SMARCC2: variants seen among roughly 807,000 people sequenced by gnomAD.
SMARCC2 encodes SWI/SNF related BAF chromatin remodeling complex subunit C2.
In SMARCC2, 15 loss-of-function variants were observed where a neutral mutation model predicts 151.3. The ratio of observed to expected loss-of-function variants is 0.10; its 90% CI spans 0.07 to 0.15. The LOEUF (loss-of-function observed/expected upper bound fraction) is 0.15, where lower values mean the gene tolerates loss of function less well. Among genes scored for constraint, SMARCC2 ranks in the 10% least tolerant of loss-of-function variants. The pLI is 1.00. For missense variants in SMARCC2, 1,031 were observed against 1,599.7 expected (o/e 0.64, Z 6.06); for synonymous variants, 590 against 609.5 (o/e 0.97, Z 0.47).
At chr12:56,178,696 G>C in intron 13 of SMARCC2, 114 bp downstream of exon 13, 3 of 1,443,402 alleles carry the variant, frequency 2.1e-6, no homozygotes, top group Non-Finnish European at 1.9e-6. Flanking sequence ...GAACAAAGCT[G>C]GAATTAGTCT....
At position 56,171,355 on chromosome 12, in the gene SMARCC2, T is replaced by C; in HGVS notation, c.2263A>G (p.Lys755Glu). ...GCAGGGTCCGCCTTGCCTGTTACTT[T>C]GGCTGCTTCTTCCACTTTTCGAACA... Reference protein sequence around the residue: ...AHVRKVEEAAKVTGKADPAFG... With the variant: ...AHVRKVEEAAEVTGKADPAFG... The change falls in exon 22 of 29, where the codon AAA (lysine) becomes GAA (glutamate). Residue 755 changes from lysine to glutamate, a missense_variant. By Grantham distance (56) the Lys-to-Glu change is moderately conservative (BLOSUM62 1). This residue lies in a region of SMARCC2 where 119 missense variants were observed against 184.2 expected (regional missense o/e 0.65). Coordinates refer to ENST00000550164, the MANE Select transcript of SMARCC2 (RefSeq NM_001330288.2). The surrounding 1 kb of genome is among the most constrained non-coding windows in gnomAD (Gnocchi z 4.2). 6.2e-7 allele frequency: 1 copy of C among 1,614,222 alleles called. No individual in the cohort carries two copies. The highest frequency in any genetic ancestry group is 8.5e-7 in the Non-Finnish European group (1 of 1,180,040).
intron 27 of SMARCC2, among the ~76,000 whole-genome samples, chr12:56,165,021 C>A (rs1012841684): frequency 6.6e-6 from 1 of 152,166 alleles, no homozygotes; most frequent in Non-Finnish European, 1.5e-5. Context: ...CTCCTGACCT[C>A]GTGATCCACC....
intron 26 of SMARCC2, 75 bp from the exon 27 acceptor site, chr12:56,165,774 T>C (rs1186615899): frequency 4.9e-6 from 7 of 1,442,288 alleles, no homozygotes; most frequent in Non-Finnish European, 6.7e-6. Flanking sequence ...CCCTGCTTTG[T>C]CTTCTTCTGA....
Position 56,189,341 on chromosome 12 carries a change from G to A in SMARCC2, c.111+10C>T. On this transcript the variant is annotated intron_variant, in intron 1 of 28. Transcript: ENST00000550164. ...CCCGGTCCCCGCGCGGCCCGGCCCG[G>A]CCCGCGTACCTTCTTGTAGTTCTTG... 2 of 1,488,572 alleles carry A rather than the reference G, an allele frequency of 1.3e-6. No homozygotes were observed. Among genetic ancestry groups the A allele is most frequent in the Non-Finnish European group, 9.1e-7 (1 of 1,104,144 alleles). 92.2% of individuals were successfully genotyped at this position (1,488,572 alleles called of 1,614,324 possible).
In SMARCC2 at chr12:56,165,419, A is replaced by C; in HGVS notation, c.3131T>G (p.Ile1044Ser). The C allele has an allele frequency of 1.3e-6, 2 of 1,513,990 alleles. No homozygotes were observed. The highest frequency in any genetic ancestry group is 1.8e-6 in the Non-Finnish European group (2 of 1,133,302). 93.8% of individuals were successfully genotyped at this position (1,513,990 alleles called of 1,614,324 possible). ...CCCTGCAGTTGACCCTGCCTGCCCA[A>C]TCTGTTCAGAAGGGCCCAAACTTCC... is the stretch of plus-strand genomic sequence containing the variant. Reference protein sequence around the residue: ...PPGSLGPSEQIGQAGSTAGPQ... With the variant: ...PPGSLGPSEQSGQAGSTAGPQ... Residue 1044 changes from isoleucine to serine, a missense_variant, in exon 27 of 29, where the codon ATT (isoleucine) becomes AGT (serine). Around this residue, in one of 12 missense-constraint regions of SMARCC2, gnomAD observed 310 missense variants for 350.0 expected, o/e 0.89. Coordinates refer to ENST00000550164, the MANE Select transcript of SMARCC2 (RefSeq NM_001330288.2).
At chr12:56,166,838 CG>C (rs2135650518) in intron 26 of SMARCC2, among the ~76,000 whole-genome samples, 1 of 151,756 alleles carries the variant, frequency 6.6e-6, no homozygotes, top group East Asian at 1.9e-4. Flanking sequence ...CTGAGGTGGG[CG>C]GATCACCTGA....
intron 1 of SMARCC2, among the ~76,000 whole-genome samples, chr12:56,187,793 T>C (rs1480430400): frequency 2.0e-5 from 3 of 152,078 alleles, no homozygotes; most frequent in Non-Finnish European, 4.4e-5. Flanking sequence ...GTTGACTGAG[T>C]GAGCTTGTGC....
At chr12:56,186,491 C>T (rs1442101357) in intron 2 of SMARCC2, 6 of 454,816 alleles carry the variant, frequency 1.3e-5, no homozygotes, top group Non-Finnish European at 2.0e-5. Context: ...GCTGGCATTA[C>T]AGGCATGAGC....
At chr12:56,181,399 T>C (rs954762333) in intron 10 of SMARCC2, 83 bp downstream of exon 10, 7 of 889,908 alleles carry the variant, frequency 7.9e-6, no homozygotes, top group African/African-American at 5.0e-5. Context: ...GCCAGGTGGT[T>C]ATAGGAAGGG....
chr12:56,169,427 C>A, intron 25 of SMARCC2, 102 bp downstream of exon 25: 1 of 1,353,538 alleles, frequency 7.4e-7, no homozygotes. Context: ...ATAAATAGGT[C>A]AGCATTATTT....
chr12:56,170,425 TTTG>T (rs1294741146), intron 22 of SMARCC2, among the ~76,000 whole-genome samples: 1 of 151,806 alleles, frequency 6.6e-6, no homozygotes, highest in Non-Finnish European at 1.5e-5. Flanking sequence ...CCTGTTTTTT[TTTG>T]TTTTTTGTTT....
intron 3 of SMARCC2, chr12:56,185,818 A>G: frequency 3.6e-6 from 1 of 276,184 alleles, no homozygotes; most frequent in Non-Finnish European, 6.8e-6. Flanking sequence ...AAGCTTGCTC[A>G]CAGCTATTGC....
intron 28 of SMARCC2, 140 bp from the exon 29 acceptor site, chr12:56,163,905 G>A (rs944222138): frequency 1.8e-6 from 1 of 563,442 alleles, no homozygotes; most frequent in African/African-American, 2.0e-5. Context: ...TTCAACTTCT[G>A]TTCCCAACAC....
Position 56,181,051 on chromosome 12 carries a change from T to G in SMARCC2, c.1007A>C (p.Gln336Pro). The change falls in exon 11 of 29, where the codon CAA becomes CCA. Residue 336 changes from glutamine to proline, a missense_variant. Coordinates refer to ENST00000550164, the MANE Select transcript of SMARCC2 (RefSeq NM_001330288.2). ...KSKRGHREEE[Q>P]EDLTKDMDEP... is the part of the protein sequence containing the mutation. ...GTCCATGTCCTTTGTCAGGTCTTCT[T>G]GCTCCTCTTCTCTGTGGCCACGCTT... 6.2e-7 allele frequency: 1 copy of G among 1,614,012 alleles called. No individual in the cohort carries two copies. Among genetic ancestry groups the G allele is most frequent in the Non-Finnish European group, 8.5e-7 (1 of 1,179,946 alleles).
chr12:56,178,217 G>A (rs1227730931), intron 14 of SMARCC2, 124 bp from the exon 15 acceptor site: 1 of 938,218 alleles, frequency 1.1e-6, no homozygotes, highest in East Asian at 2.5e-5. Context: ...TTAGAAGCTT[G>A]GGGAGAACAT....
chr12:56,174,364 G>A (rs923491114), intron 16 of SMARCC2, among the ~76,000 whole-genome samples: 22 of 152,114 alleles, frequency 1.4e-4, no homozygotes, highest in African/African-American at 4.6e-4. Context: ...CTCCCACCTT[G>A]GTCTCCCAAA....
chr12:56,169,205 G>C (rs1208204235), intron 25 of SMARCC2, among the ~76,000 whole-genome samples: 1 of 152,106 alleles, frequency 6.6e-6, no homozygotes, highest in African/African-American at 2.4e-5. Context: ...TGAGGCAGGA[G>C]AATCACTTGA....
chr12:56,179,683 A>G (rs1307256114), intron 11 of SMARCC2, among the ~76,000 whole-genome samples: 6 of 152,176 alleles, frequency 3.9e-5, no homozygotes, highest in Non-Finnish European at 8.8e-5. Flanking sequence ...ACTTCTCTTC[A>G]TGTTTTTTGT....
In SMARCC2 at chr12:56,174,699, G is replaced by C. The variant is rs760022540; in HGVS notation, c.1448C>G (p.Ser483Cys). The C allele has an allele frequency of 5.0e-6, 8 of 1,613,980 alleles. No individual in the cohort carries two copies. The highest frequency in any genetic ancestry group is 1.3e-5 in the African/African-American group (1 of 74,892). The change falls in exon 16 of 29, where the codon TCT becomes TGT. Residue 483 changes from serine to cysteine, a missense_variant. Transcript: ENST00000550164. ...YRLNPQEYLT[S>C]TACRRNLAGD... Reference sequence around the variant, plus strand: ...CGCTAGGTTTCGGCGGCAGGCGGTAGAGGTAAGATACTCTTGGGGGTTCAG... The same window carrying C: ...CGCTAGGTTTCGGCGGCAGGCGGTACAGGTAAGATACTCTTGGGGGTTCAG...
Sources: gnomAD v4.1 joint callset for allele counts (sites outside exome capture counted in the v4.1 genomes callset) on GRCh38, gnomAD v4.1.1 for gene constraint, gnomAD v4.1.1 regional missense constraint, Gnocchi (gnomAD v3.1) non-coding constraint, MANE v1.5 for transcripts, NCBI Gene and HGNC (gene_info 2026-07-23, HGNC 2026-07-21) for gene names.